Variants in SLC26A5 observed in about 807,000 individuals in gnomAD.
SLC26A5 encodes prestin.
Under a neutral mutation model 81.0 loss-of-function variants are expected in SLC26A5, and 51 were observed. The observed-to-expected ratio is 0.63, with a 90% CI of 0.50 to 0.80. SLC26A5 has a LOEUF of 0.80. SLC26A5 is among the 30% of genes least tolerant of loss of function. SLC26A5 has a pLI of 0.00. For synonymous variants in SLC26A5, 325 were observed against 332.8 expected, an observed-to-expected ratio of 0.98 and a Z score of 0.25; for missense variants, 771 against 905.8, an observed-to-expected ratio of 0.85 and a Z score of 1.91.
chr7:103,438,801 G>A (rs549461231), intron 2 of SLC26A5, among the ~76,000 whole-genome samples: 15 of 151,852 alleles, frequency 9.9e-5, no homozygotes, highest in Non-Finnish European at 1.8e-4. Flanking sequence ...CTGATGTGTC[G>A]GCAACTATAG....
chr7:103,442,227 C>T (rs528993745), intron 2 of SLC26A5, among the ~76,000 whole-genome samples: 70 of 152,242 alleles, frequency 4.6e-4, no homozygotes, highest in African/African-American at 1.6e-3. Context: ...CTGCAACCTC[C>T]ACCTCCTGGG....
At chr7:103,383,370 T>C (rs1004251687) in intron 14 of SLC26A5, among the ~76,000 whole-genome samples, 21 of 152,210 alleles carry the variant, frequency 1.4e-4, no homozygotes, top group Admixed American at 9.8e-4. Flanking sequence ...TTGAGGTCCC[T>C]GACTGGGTGA....
chr7:103,354,825 TTGATATCC>T, intron 19 of SLC26A5: 1 of 1,248,238 alleles, frequency 8.0e-7, no homozygotes, highest in South Asian at 1.3e-5. Context: ...TAATAAATGG[TTGATATCC>T]TGATATTCTA....
At chr7:103,409,927 T>C (rs1436221194) in intron 7 of SLC26A5, among the ~76,000 whole-genome samples, 1 of 152,160 alleles carries the variant, frequency 6.6e-6, no homozygotes, top group East Asian at 1.9e-4. Context: ...CAGGATAGTC[T>C]CGATCTCCTG....
intron 7 of SLC26A5, among the ~76,000 whole-genome samples, chr7:103,408,317 C>T (rs1200409056): frequency 6.6e-6 from 1 of 152,144 alleles, no homozygotes; most frequent in Non-Finnish European, 1.5e-5. Flanking sequence ...ACCTCTGCCT[C>T]CCAGGTTCAA....
chr7:103,364,375 TGGC>T (rs1820578244), intron 19 of SLC26A5: 1 of 1,559,554 alleles, frequency 6.4e-7, no homozygotes, highest in Non-Finnish European at 8.8e-7. Flanking sequence ...AAATTAAAAA[TGGC>T]ACTTCTGCAT....
rs779168946 is a variant in SLC26A5, at chr7:103,376,827, T to C, written c.2022A>G (p.Val674=). 1.2e-6 allele frequency: 2 copies of C among 1,605,112 alleles called. No homozygotes were observed. The highest frequency in any genetic ancestry group is 1.7e-6 in the Non-Finnish European group (2 of 1,172,186). The stretch of plus-strand genomic sequence containing the variant: ...ACTCACCACTGCATCCTGCTAAGTA[T>C]ACATATATACCGACGTCTCCATATT... ...VKEYGDVGIY[V]YLAGCSAQVV... is the part of the protein sequence containing the mutation. Residue 674 remains valine (V), a synonymous_variant, in exon 19 of 20, where the codon GTA becomes GTG. Transcript: ENST00000306312.
intron 19 of SLC26A5, among the ~76,000 whole-genome samples, chr7:103,361,336 TAAA>T (rs1170508055): frequency 2.5e-5 from 3 of 120,810 alleles, no homozygotes; most frequent in Non-Finnish European, 5.3e-5. Flanking sequence ...CCCTCTCTAC[TAAA>T]AAAAAAAAAA....
intron 7 of SLC26A5, among the ~76,000 whole-genome samples, 198 bp from the exon 8 acceptor site, chr7:103,408,201 C>T (rs1262362745): frequency 1.3e-5 from 2 of 152,068 alleles, no homozygotes; most frequent in Non-Finnish European, 2.9e-5. Context: ...ATAGTTGTTA[C>T]TCTTTTCTTT....
chr7:103,363,391 G>C (rs775626147), intron 19 of SLC26A5: 4 of 1,614,040 alleles, frequency 2.5e-6, no homozygotes, highest in Non-Finnish European at 3.4e-6. Context: ...GTGGCTGTAA[G>C]GAACAGATTG....
At chr7:103,375,083 T>TAC (rs983772501) in intron 19 of SLC26A5, among the ~76,000 whole-genome samples, 4 of 146,150 alleles carry the variant, frequency 2.7e-5, no homozygotes, top group African/African-American at 9.9e-5. Context: ...AATATATATA[T>TAC]ACACACACAT....
intron 8 of SLC26A5, among the ~76,000 whole-genome samples, chr7:103,406,370 G>T (rs1824051741): frequency 6.6e-6 from 1 of 152,172 alleles, no homozygotes; most frequent in Non-Finnish European, 1.5e-5. Flanking sequence ...AAAGCATAGT[G>T]TCTGGGCCAG....
chr7:103,354,450 C>T (rs1461395706), intron 19 of SLC26A5, among the ~76,000 whole-genome samples: 1 of 149,816 alleles, frequency 6.7e-6, no homozygotes, highest in Non-Finnish European at 1.5e-5. Flanking sequence ...TTCACTGCAA[C>T]CTCCGCCTCC....
chr7:103,375,579 A>G (rs1821295850), intron 19 of SLC26A5, among the ~76,000 whole-genome samples: 1 of 152,108 alleles, frequency 6.6e-6, no homozygotes, highest in African/African-American at 2.4e-5. Context: ...TTCATTTTCA[A>G]GCACTTTTTA....
intron 6 of SLC26A5, 34 bp downstream of exon 6, chr7:103,411,386 C>T (rs1450506478): frequency 3.7e-6 from 6 of 1,612,604 alleles, no homozygotes; most frequent in Non-Finnish European, 3.4e-6. Flanking sequence ...GGTTAACAAA[C>T]GAGACAGTCC....
chr7:103,408,921 G>C (rs533205628), intron 7 of SLC26A5, among the ~76,000 whole-genome samples: 42 of 152,306 alleles, frequency 2.8e-4, no homozygotes, highest in African/African-American at 1.0e-3. Flanking sequence ...TACTCAGTAT[G>C]TTTTATTTCC....
chr7:103,409,097 C>T (rs1255327620), intron 7 of SLC26A5, among the ~76,000 whole-genome samples: 1 of 152,234 alleles, frequency 6.6e-6, no homozygotes, highest in Non-Finnish European at 1.5e-5. Flanking sequence ...GACCCCTAAT[C>T]TAAAGGTCTC....
At chr7:103,355,599 T>C in intron 19 of SLC26A5, 2 of 905,860 alleles carry the variant, frequency 2.2e-6, no homozygotes, top group South Asian at 3.0e-5. Context: ...CAATGAATGA[T>C]TCAGTGCAAA....
chr7:103,416,262 C>T (rs765469224), intron 4 of SLC26A5, among the ~76,000 whole-genome samples: 10 of 152,188 alleles, frequency 6.6e-5, no homozygotes, highest in Admixed American at 1.3e-4. Flanking sequence ...ATTGGCTCTT[C>T]GTTTACTGAT....
Sources: gnomAD v4.1 joint callset for allele counts (sites outside exome capture counted in the v4.1 genomes callset) on GRCh38, gnomAD v4.1.1 for gene constraint, MANE v1.5 for transcripts, NCBI Gene and HGNC (gene_info 2026-07-23, HGNC 2026-07-21) for gene names.